The following ATR variants were observed in gnomAD, a reference collection of about 807,000 sequenced individuals.
ATR encodes the protein serine/threonine-protein kinase ATR.
In ATR, 142 loss-of-function variants were observed where a neutral mutation model predicts 305.3. That is an observed-to-expected ratio of 0.47 (90% CI 0.41 to 0.53). The LOEUF (loss-of-function observed/expected upper bound fraction) is 0.53. Ranked by LOEUF, ATR falls within the 20% of genes least tolerant of loss-of-function variation. The pLI, the probability that ATR is intolerant of heterozygous loss-of-function variation, is 0.00. For synonymous variants in ATR, 1,050 were observed against 1,068.1 expected, an observed-to-expected ratio of 0.98 and a Z score of 0.33; for missense variants, 2,135 against 3,133.1, an observed-to-expected ratio of 0.68 and a Z score of 7.60.
intron 42 of ATR, among the ~76,000 whole-genome samples, chr3:142,459,972 C>T (rs1475007753): frequency 6.6e-6 from 1 of 150,984 alleles, no homozygotes; most frequent in African/African-American, 2.5e-5. Context: ...TGTATATATA[C>T]ATATATTTTT....
intron 13 of ATR, 43 bp from the exon 14 acceptor site, chr3:142,550,345 G>A (rs2108456709): frequency 6.3e-7 from 1 of 1,590,098 alleles, no homozygotes; most frequent in Non-Finnish European, 8.6e-7. Flanking sequence ...ACACAAAGAA[G>A]AAATTTTAAC....
At position 142,556,433 on chromosome 3, in the gene ATR, A is replaced by T. The variant is rs760349373; in HGVS notation, c.2028T>A (p.Phe676Leu). 5 of 1,614,020 alleles carry T rather than the reference A, an allele frequency of 3.1e-6. No individual in the cohort carries two copies. Among genetic ancestry groups the T allele is most frequent in the Non-Finnish European group, 4.2e-6 (5 of 1,179,984 alleles). Residue 676 changes from phenylalanine (F) to leucine (L), a missense_variant, in exon 9 of 47, where the codon TTT becomes TTA. Physicochemically the swap from Phe to Leu is conservative, Grantham distance 22. Transcript: ENST00000350721. ...VIRASCVSGF[F>L]ILLQQQNSCN... ...AAGAATTCTGCTGCTGCAATAAGAT[A>T]AAAAATCCACTAACACAACTAGCCC... is the stretch of plus-strand genomic sequence containing the variant.
chr3:142,534,663 A>G (rs2033789175), intron 21 of ATR, among the ~76,000 whole-genome samples: 1 of 152,218 alleles, frequency 6.6e-6, no homozygotes, highest in Non-Finnish European at 1.5e-5. Flanking sequence ...CACCCCTTGA[A>G]AAAGTAAACT....
At chr3:142,558,559 T>C (rs2034762521) in intron 8 of ATR, 65 bp downstream of exon 8, 1 of 1,111,774 alleles carries the variant, frequency 9.0e-7, no homozygotes, top group Non-Finnish European at 1.2e-6. Flanking sequence ...AATAAATAAA[T>C]AGATAGATAG....
In ATR at chr3:142,476,057, T is replaced by C. The variant is rs192461520; in HGVS notation, c.6222-5874A>G. ...CATTCTGTAAGTTGCCTGTTCACTC[T>C]GATGGTAGTTTCTTTTGCTGTGCAG... is the stretch of plus-strand genomic sequence containing the variant. On this transcript the variant is annotated intron_variant, in intron 36 of 46. Transcript: ENST00000350721. Among the ~76,000 whole-genome samples, 1,018 of 152,340 alleles carry C rather than the reference T, an allele frequency of 6.7e-3. 15 individuals carry two copies. The highest frequency in any genetic ancestry group is 0.023 in the African/African-American group (962 of 41,572).
intron 41 of ATR, among the ~76,000 whole-genome samples, chr3:142,464,701 G>A (rs2071089228): frequency 2.0e-5 from 3 of 152,156 alleles, no homozygotes; most frequent in Admixed American, 6.5e-5. Context: ...GTGGCTGCTG[G>A]AGGCTGAGGA....
At chr3:142,469,021 T>A (rs911065673) in intron 38 of ATR, among the ~76,000 whole-genome samples, 10 of 152,114 alleles carry the variant, frequency 6.6e-5, no homozygotes, top group Non-Finnish European at 1.5e-4. Context: ...ATTCAGGTAG[T>A]TTGGATTAAA....
Position 142,578,627 on chromosome 3 carries a change from A to G in ATR, c.59+19T>C, listed in dbSNP as rs761194375. On this transcript the variant is annotated intron_variant, in intron 1 of 46. Coordinates refer to ENST00000350721, the MANE Select transcript of ATR (RefSeq NM_001184.4). ...ATCAGCGGAGGAGGATGCAGGACCC[A>G]GGCTGGGCCTAGCCCTACCTGCCCA... is the stretch of plus-strand genomic sequence containing the variant. The G allele has an allele frequency of 4.7e-5, 76 of 1,609,496 alleles. No individual in the cohort carries two copies. The highest frequency in any genetic ancestry group is 5.7e-5 in the Non-Finnish European group (67 of 1,178,126).
intron 13 of ATR, among the ~76,000 whole-genome samples, chr3:142,550,752 G>A (rs140968812): frequency 3.3e-5 from 5 of 151,926 alleles, no homozygotes; most frequent in Admixed American, 1.3e-4. Flanking sequence ...TTCAGTTATA[G>A]TAAATAAACT....
At position 142,449,605 on chromosome 3, in the gene ATR, A is replaced by G. The variant is rs769185075; in HGVS notation, c.7762-3T>C. On this transcript the variant is annotated splice_polypyrimidine_tract_variant and splice_region_variant and intron_variant, in intron 46 of 46. Coordinates refer to ENST00000350721, the MANE Select transcript of ATR (RefSeq NM_001184.4). Reference sequence around the variant, plus strand: ...ATGTCAAGAACATGGGTCTTGGCCTAAAAAGAAGAAACATAAAACCAAAAA... The same window carrying G: ...ATGTCAAGAACATGGGTCTTGGCCTGAAAAGAAGAAACATAAAACCAAAAA... 3 of 1,613,860 alleles carry G rather than the reference A, an allele frequency of 1.9e-6. No individual in the cohort carries two copies. In the South Asian group the frequency reaches 3.3e-5, roughly 18 times the overall value.
At chr3:142,574,025 G>A (rs1271890437) in intron 1 of ATR, among the ~76,000 whole-genome samples, 2 of 152,154 alleles carry the variant, frequency 1.3e-5, no homozygotes, top group Non-Finnish European at 2.9e-5. Context: ...CATGGGAAGA[G>A]GAGCCAGGAT....
At chr3:142,495,529 G>A (rs1381129433) in intron 34 of ATR, among the ~76,000 whole-genome samples, 1 of 152,132 alleles carries the variant, frequency 6.6e-6, no homozygotes, top group Non-Finnish European at 1.5e-5. Flanking sequence ...TGGATCATGA[G>A]GTCAGGAGAT....
At chr3:142,481,111 C>T (rs1395558536) in intron 36 of ATR, among the ~76,000 whole-genome samples, 1 of 152,248 alleles carries the variant, frequency 6.6e-6, no homozygotes, top group Non-Finnish European at 1.5e-5. Flanking sequence ...CACTGTCTGA[C>T]AAGCCCCAGT....
chr3:142,527,142 A>T (rs7623524), intron 21 of ATR, among the ~76,000 whole-genome samples: 95,769 of 152,018 alleles, frequency 0.63, 31,094 homozygotes, highest in African/African-American at 0.79. Context: ...TCATTTATAA[A>T]TTTTTACACT....
intron 17 of ATR, 145 bp from the exon 18 acceptor site, chr3:142,541,179 T>A: frequency 1.8e-6 from 2 of 1,099,902 alleles, no homozygotes; most frequent in Non-Finnish European, 2.7e-6. Flanking sequence ...TGTTGGCCAG[T>A]TTGTTTTGTC....
intron 15 of ATR, among the ~76,000 whole-genome samples, chr3:142,548,366 A>G (rs552198523): frequency 6.6e-6 from 1 of 152,248 alleles, no homozygotes; most frequent in East Asian, 1.9e-4. Flanking sequence ...CTATGAAACA[A>G]AACAAAAAAA....
At chr3:142,546,350 C>A (rs1286112464) in intron 16 of ATR, among the ~76,000 whole-genome samples, 1 of 152,192 alleles carries the variant, frequency 6.6e-6, no homozygotes, top group Non-Finnish European at 1.5e-5. Context: ...GGTTCCTTAA[C>A]ATTCCTTGCT....
chr3:142,460,553 G>A (rs1466263644), intron 42 of ATR, among the ~76,000 whole-genome samples: 5 of 152,074 alleles, frequency 3.3e-5, no homozygotes, highest in Non-Finnish European at 7.4e-5. Context: ...GAAAGGCAAG[G>A]AACATTAGCC....
At chr3:142,500,950 T>C (rs1167058832) in intron 30 of ATR, among the ~76,000 whole-genome samples, 1 of 152,142 alleles carries the variant, frequency 6.6e-6, no homozygotes, top group Non-Finnish European at 1.5e-5. Flanking sequence ...ACACGAAGAC[T>C]TATAGCAAAA....
Sources: allele counts gnomAD v4.1 joint callset (sites outside exome capture counted in the v4.1 genomes callset), GRCh38; gene constraint gnomAD v4.1.1; transcripts MANE v1.5; gene names NCBI Gene and HGNC (gene_info 2026-07-23, HGNC 2026-07-21).